The following ATP9B variants were observed in gnomAD, a reference collection of about 807,000 sequenced individuals.
ATP9B encodes probable phospholipid-transporting ATPase IIB.
Under a neutral mutation model 146.1 loss-of-function variants are expected in ATP9B, and 110 were observed. That is an observed-to-expected ratio of 0.75 (90% CI 0.65 to 0.88). The LOEUF (loss-of-function observed/expected upper bound fraction) is 0.88, where lower values mean the gene tolerates loss of function less well. ATP9B is among the 40% of genes least tolerant of loss of function. ATP9B has a pLI of 0.00. For missense variants in ATP9B, 1,499 were observed against 1,496.4 expected (o/e 1.00, Z -0.03); for synonymous variants, 604 against 569.7 (o/e 1.06, Z -0.86).
chr18:79,202,362 A>C (rs879917785), intron 9 of ATP9B, among the ~76,000 whole-genome samples: 8 of 152,226 alleles, frequency 5.3e-5, no homozygotes, highest in South Asian at 4.1e-4. Flanking sequence ...ATAGTCCTTT[A>C]ACATCACATT....
intron 18 of ATP9B, 149 bp from the exon 19 acceptor site, chr18:79,337,128 AGT>A: frequency 1.1e-5 from 12 of 1,087,364 alleles, no homozygotes; most frequent in African/African-American, 1.7e-5. Flanking sequence ...CAGCCCATGC[AGT>A]CCAGCTCTGT....
chr18:79,377,354 C>T lies in ATP9B; in HGVS notation c.3415C>T (p.Pro1139Ser). ...VLKYLRRKLS[P>S]PSYCKLAS ...CAAGTACCTGAGGCGCAAGCTCTCT[C>T]CTCCCAGCTACTGCAAGCTGGCCTC... The change falls in exon 30 of 30, where the codon CCT becomes TCT. Residue 1139 changes from proline to serine, a missense_variant. Transcript: ENST00000426216. 1.2e-6 allele frequency: 2 copies of T among 1,610,352 alleles called. No individual in the cohort carries two copies. The highest frequency in any genetic ancestry group is 1.7e-6 in the Non-Finnish European group (2 of 1,180,028).
chr18:79,307,557 A>G (rs2096626544), intron 15 of ATP9B: 1 of 278,992 alleles, frequency 3.6e-6, no homozygotes. Context: ...TGCATTTTAT[A>G]AAACTGTTGA....
intron 7 of ATP9B, chr18:79,173,685 T>G: frequency 2.2e-6 from 1 of 456,024 alleles, no homozygotes; most frequent in South Asian, 1.5e-5. Context: ...TGATCTGTGT[T>G]TCTGTTCCTT....
chr18:79,277,299 A>G, intron 13 of ATP9B, 103 bp downstream of exon 13: 1 of 1,408,938 alleles, frequency 7.1e-7, no homozygotes, highest in East Asian at 2.3e-5. Context: ...ATATATGTGT[A>G]TGTATTGGAA....
intron 13 of ATP9B, among the ~76,000 whole-genome samples, chr18:79,301,588 A>T (rs2096590984): frequency 6.6e-6 from 1 of 152,268 alleles, no homozygotes; most frequent in Non-Finnish European, 1.5e-5. Flanking sequence ...CTAGTGTTTT[A>T]TGTTAATTCT....
intron 10 of ATP9B, among the ~76,000 whole-genome samples, chr18:79,212,039 A>T (rs971973090): frequency 6.6e-6 from 1 of 152,200 alleles, no homozygotes; most frequent in Non-Finnish European, 1.5e-5. Flanking sequence ...TCATTTCGCA[A>T]TCCACAGTTA....
intron 5 of ATP9B, among the ~76,000 whole-genome samples, chr18:79,128,726 A>G (rs1335672182): frequency 1.3e-5 from 2 of 152,240 alleles, no homozygotes; most frequent in Non-Finnish European, 2.9e-5. Context: ...AGAAATAACT[A>G]GAGTGGTGAT....
chr18:79,219,978 A>G (rs1157424514), intron 11 of ATP9B, among the ~76,000 whole-genome samples: 1 of 152,192 alleles, frequency 6.6e-6, no homozygotes, highest in African/African-American at 2.4e-5. Flanking sequence ...TCTTAAATTT[A>G]AAATGGTGCC....
chr18:79,221,412 G>A lies in ATP9B; in HGVS notation c.1107+7374G>A, dbSNP rs572547239. 1.2e-4 allele frequency among the ~76,000 whole-genome samples: 19 copies of A among 152,356 alleles called. No homozygotes were observed. In the South Asian group the frequency reaches 3.9e-3, roughly 32 times the overall value. Reference sequence around the variant, plus strand: ...TCAGCTGCAGGTTCATTGAGGAACAGTGTGTGTTAGTACTTTCAAAACTAT... The same window carrying A: ...TCAGCTGCAGGTTCATTGAGGAACAATGTGTGTTAGTACTTTCAAAACTAT... On this transcript the variant is annotated intron_variant, in intron 11 of 29. Coordinates refer to ENST00000426216, the MANE Select transcript of ATP9B (RefSeq NM_198531.5).
chr18:79,307,982 G>A (rs889247141), intron 15 of ATP9B, among the ~76,000 whole-genome samples: 1 of 152,026 alleles, frequency 6.6e-6, no homozygotes. Flanking sequence ...AATTGGTGGG[G>A]GCAGGGCGTA....
At chr18:79,258,812 G>C (rs1174796062) in intron 12 of ATP9B, among the ~76,000 whole-genome samples, 2 of 152,154 alleles carry the variant, frequency 1.3e-5, no homozygotes, top group Admixed American at 6.5e-5. Flanking sequence ...TCTCACTCAG[G>C]ATGCAGTTAC....
chr18:79,372,034 CA>C (rs1344546760), intron 26 of ATP9B, among the ~76,000 whole-genome samples: 3 of 152,256 alleles, frequency 2.0e-5, no homozygotes, highest in African/African-American at 7.2e-5. Flanking sequence ...CACATAAAGA[CA>C]GGGCCTCTCA....
intron 2 of ATP9B, among the ~76,000 whole-genome samples, chr18:79,101,034 G>C (rs946268662): frequency 6.6e-6 from 1 of 151,942 alleles, no homozygotes; most frequent in East Asian, 1.9e-4. Flanking sequence ...TTGTATTTTT[G>C]ACCCAGTTTA....
At chr18:79,210,622 C>T (rs2095575523) in intron 10 of ATP9B, among the ~76,000 whole-genome samples, 1 of 152,188 alleles carries the variant, frequency 6.6e-6, no homozygotes, top group Admixed American at 6.5e-5. Flanking sequence ...GCACTTGGTG[C>T]GTGGTTGGAG....
chr18:79,093,305 T>C (rs1355846361), intron 1 of ATP9B, among the ~76,000 whole-genome samples: 3 of 152,232 alleles, frequency 2.0e-5, no homozygotes, highest in Non-Finnish European at 2.9e-5. Flanking sequence ...AAGGACATTG[T>C]TGCTGGATGT....
chr18:79,098,519 C>T (rs1399802189), intron 2 of ATP9B, among the ~76,000 whole-genome samples: 1 of 150,934 alleles, frequency 6.6e-6, no homozygotes, highest in Non-Finnish European at 1.5e-5. Flanking sequence ...CTACAATGAA[C>T]TCAAACAAAT....
intron 11 of ATP9B, among the ~76,000 whole-genome samples, chr18:79,250,181 A>G (rs987996673): frequency 2.6e-5 from 4 of 152,190 alleles, no homozygotes; most frequent in Non-Finnish European, 4.4e-5. Context: ...AATACGTGGC[A>G]TTTTTTGAAA....
At chr18:79,139,812 C>G (rs1364715827) in intron 5 of ATP9B, among the ~76,000 whole-genome samples, 1 of 152,162 alleles carries the variant, frequency 6.6e-6, no homozygotes, top group Non-Finnish European at 1.5e-5. Context: ...CTCGCTTCCC[C>G]CCACAACTCC....
Sources: gnomAD v4.1 joint callset for allele counts (sites outside exome capture counted in the v4.1 genomes callset) on GRCh38, gnomAD v4.1.1 for gene constraint, MANE v1.5 for transcripts, NCBI Gene and HGNC (gene_info 2026-07-23, HGNC 2026-07-21) for gene names.